Variants in TRABD2B observed in about 807,000 individuals in gnomAD.
TRABD2B encodes the protein TraB domain containing 2B, also known as metalloprotease TIKI2.
Under a neutral mutation model 40.1 loss-of-function variants are expected in TRABD2B, and 14 were observed. The observed-to-expected ratio is 0.35, with a 90% CI of 0.23 to 0.55. The LOEUF (loss-of-function observed/expected upper bound fraction) is 0.55. Among genes scored for constraint, TRABD2B ranks in the 20% least tolerant of loss-of-function variants. The pLI is 0.90. For synonymous variants in TRABD2B, 263 were observed against 277.0 expected (o/e 0.95, Z 0.50); for missense variants, 541 against 648.6 (o/e 0.83, Z 1.80).
intron 2 of TRABD2B, among the ~76,000 whole-genome samples, chr1:47,808,458 G>A (rs1307357248): frequency 6.6e-6 from 1 of 152,188 alleles, no homozygotes; most frequent in African/African-American, 2.4e-5. Context: ...GATGAAGGAA[G>A]GGGAACCAGC....
At chr1:47,909,572 AGGAGGAGG>A in intron 2 of TRABD2B, among the ~76,000 whole-genome samples, 1 of 138,114 alleles carries the variant, frequency 7.2e-6, no homozygotes, top group African/African-American at 2.7e-5. Flanking sequence ...GAGGAGGAGG[AGGAGGAGG>A]AGGAGGAGGA....
At chr1:47,808,106 G>A (rs556086652) in intron 2 of TRABD2B, among the ~76,000 whole-genome samples, 7 of 152,148 alleles carry the variant, frequency 4.6e-5, no homozygotes, top group Non-Finnish European at 8.8e-5. Flanking sequence ...CCTCCATAAC[G>A]TAGGTGGGCT....
At chr1:47,973,730 T>C (rs1257397469) in intron 2 of TRABD2B, among the ~76,000 whole-genome samples, 1 of 152,230 alleles carries the variant, frequency 6.6e-6, no homozygotes, top group Non-Finnish European at 1.5e-5. Context: ...ATAGCGTCCA[T>C]GCTGGCCTCC....
intron 2 of TRABD2B, among the ~76,000 whole-genome samples, chr1:47,981,148 A>G (rs1179256339): frequency 6.6e-6 from 1 of 152,016 alleles, no homozygotes; most frequent in Non-Finnish European, 1.5e-5. Context: ...CAAGTAGCTG[A>G]GATAATAGGC....
chr1:47,938,274 G>A (rs1263410192), intron 2 of TRABD2B, among the ~76,000 whole-genome samples: 1 of 152,216 alleles, frequency 6.6e-6, no homozygotes, highest in East Asian at 1.9e-4. Flanking sequence ...TGAAGGAAAG[G>A]AGAGCAGAGA....
chr1:47,895,949 G>A (rs1297254033), intron 2 of TRABD2B, among the ~76,000 whole-genome samples: 1 of 152,226 alleles, frequency 6.6e-6, no homozygotes, highest in East Asian at 1.9e-4. Flanking sequence ...AGGGGGGAAG[G>A]TTCCTGTGTG....
chr1:47,855,637 T>A (rs955634401), intron 2 of TRABD2B, among the ~76,000 whole-genome samples: 2 of 152,238 alleles, frequency 1.3e-5, no homozygotes, highest in Non-Finnish European at 2.9e-5. Context: ...CTGCTATGGA[T>A]GGAATGCTTG....
chr1:47,992,874 G>C (rs898535361), intron 2 of TRABD2B, among the ~76,000 whole-genome samples: 1 of 152,156 alleles, frequency 6.6e-6, no homozygotes, highest in Non-Finnish European at 1.5e-5. Context: ...CAGGAGAACC[G>C]ACAAACCCGC....
At chr1:47,788,220 G>A (rs1644623322) in intron 4 of TRABD2B, among the ~76,000 whole-genome samples, 1 of 152,190 alleles carries the variant, frequency 6.6e-6, no homozygotes, top group Non-Finnish European at 1.5e-5. Flanking sequence ...CCACTCTCTA[G>A]GGAGCAATTT....
intron 2 of TRABD2B, among the ~76,000 whole-genome samples, chr1:47,844,871 A>G (rs773551151): frequency 1.5e-4 from 23 of 152,216 alleles, no homozygotes; most frequent in Admixed American, 1.4e-3. Context: ...TCAGACTCTC[A>G]GGTGGCTTGA....
At chr1:47,981,803 T>C (rs1280457761) in intron 2 of TRABD2B, among the ~76,000 whole-genome samples, 1 of 152,190 alleles carries the variant, frequency 6.6e-6, no homozygotes, top group Admixed American at 6.5e-5. Context: ...ACTGAGAGCA[T>C]AGAGCACCTG....
chr1:47,815,650 C>G (rs1051187353), intron 2 of TRABD2B, among the ~76,000 whole-genome samples: 4 of 152,180 alleles, frequency 2.6e-5, no homozygotes, highest in South Asian at 2.1e-4. Context: ...ATTTGTCTTC[C>G]TCTTGTGTGA....
intron 2 of TRABD2B, among the ~76,000 whole-genome samples, chr1:47,825,147 C>A (rs1176915105): frequency 1.3e-5 from 2 of 152,150 alleles, no homozygotes; most frequent in Non-Finnish European, 2.9e-5. Flanking sequence ...AAAGGCAGGC[C>A]CCACTGTGCT....
chr1:47,809,643 A>G (rs1207333269), intron 2 of TRABD2B, among the ~76,000 whole-genome samples: 1 of 152,184 alleles, frequency 6.6e-6, no homozygotes, highest in Non-Finnish European at 1.5e-5. Flanking sequence ...TCCTTGCCCC[A>G]TCGGCAGCAC....
chr1:47,839,024 T>A (rs900919083), intron 2 of TRABD2B, among the ~76,000 whole-genome samples: 1 of 152,176 alleles, frequency 6.6e-6, no homozygotes, highest in African/African-American at 2.4e-5. Flanking sequence ...ACGGAGGCCA[T>A]CAGTCCTGGT....
intron 6 of TRABD2B, among the ~76,000 whole-genome samples, chr1:47,768,631 C>T (rs1237233777): frequency 1.3e-5 from 2 of 152,200 alleles, no homozygotes; most frequent in African/African-American, 4.8e-5. Context: ...ATTGACCTCT[C>T]TGTGTTGTAG....
chr1:47,913,280 T>C (rs995604090), intron 2 of TRABD2B, among the ~76,000 whole-genome samples: 12 of 152,190 alleles, frequency 7.9e-5, no homozygotes, highest in Admixed American at 2.0e-4. Flanking sequence ...GGGCACTGGG[T>C]GCTGCCTTTT....
chr1:47,782,886 A>T (rs1644544473), intron 4 of TRABD2B, among the ~76,000 whole-genome samples: 1 of 152,228 alleles, frequency 6.6e-6, no homozygotes, highest in Non-Finnish European at 1.5e-5. Flanking sequence ...AGGCTTGCCC[A>T]GGCTCCCCAG....
chr1:47,995,499 TGC>T (rs1255140808), intron 1 of TRABD2B, among the ~76,000 whole-genome samples: 3 of 130,508 alleles, frequency 2.3e-5, no homozygotes, highest in South Asian at 2.3e-4. Flanking sequence ...GGAGTGTGTG[TGC>T]GTGTGTGTGT....
Sources: gnomAD v4.1 joint callset for allele counts (sites outside exome capture counted in the v4.1 genomes callset) on GRCh38, gnomAD v4.1.1 for gene constraint, MANE v1.5 for transcripts, NCBI Gene and HGNC (gene_info 2026-07-23, HGNC 2026-07-21) for gene names.